NKAIN2: variants seen among roughly 807,000 people sequenced by gnomAD.
The protein encoded by NKAIN2 is sodium/potassium-transporting ATPase subunit beta-1-interacting protein 2.
NKAIN2 carries 14 observed loss-of-function variants against 32.6 expected under a neutral mutation model. The observed-to-expected ratio is 0.43, with a 90% CI of 0.28 to 0.67. The LOEUF is 0.67. Among genes scored for constraint, NKAIN2 ranks in the 30% least tolerant of loss-of-function variants. NKAIN2 has a pLI of 0.17. For synonymous variants in NKAIN2, 80 were observed against 87.2 expected (o/e 0.92, Z 0.46); for missense variants, 198 against 258.3 (o/e 0.77, Z 1.60).
chr6:124,355,251 T>C lies in NKAIN2; in HGVS notation c.193-16T>C. On this transcript the variant is annotated splice_polypyrimidine_tract_variant and intron_variant, in intron 2 of 6. Transcript: ENST00000368417. ...CCAAATTAATTATACGTTATTTCTC[T>C]CTTGCTTCTCTACAGTATGCTGTCT... The C allele has an allele frequency of 6.5e-7, 1 of 1,533,606 alleles. No individual in the cohort carries two copies. Among genetic ancestry groups the C allele is most frequent in the Non-Finnish European group, 9.0e-7 (1 of 1,109,286 alleles). The allele number at this position is 1,533,606 out of a possible 1,614,324, so 95.0% of individuals were successfully genotyped here. A position where few individuals can be genotyped will look rare whatever the true frequency, so the allele number is the denominator to read the frequency against.
At position 124,655,434 on chromosome 6, in the gene NKAIN2, A is replaced by G. The variant is rs78736427; in HGVS notation, c.274-2752A>G. On this transcript the variant is annotated intron_variant, in intron 3 of 6. Transcript: ENST00000368417. ...TTTTTTGGCAGTAGTTAGGATATAA[A>G]TAATTAGTAAATAAATGATCACTTC... is the stretch of plus-strand genomic sequence containing the variant. 2.2e-3 allele frequency among the ~76,000 whole-genome samples: 341 copies of G among 152,270 alleles called. 1 individual carries two copies. Among genetic ancestry groups the G allele is most frequent in the African/African-American group, 7.9e-3 (328 of 41,562 alleles).
chr6:124,402,436 A>T (rs968976900), intron 3 of NKAIN2, among the ~76,000 whole-genome samples: 10 of 152,214 alleles, frequency 6.6e-5, no homozygotes, highest in African/African-American at 2.4e-4. Flanking sequence ...CTATATACAA[A>T]GTTCTCTGGG....
At chr6:123,891,308 T>TAA (rs1774005810) in intron 1 of NKAIN2, among the ~76,000 whole-genome samples, 3 of 152,188 alleles carry the variant, frequency 2.0e-5, no homozygotes, top group Non-Finnish European at 4.4e-5. Flanking sequence ...GCTATTAAAG[T>TAA]GTAAACATAA....
At chr6:124,719,063 G>A (rs1048929316) in intron 4 of NKAIN2, among the ~76,000 whole-genome samples, 6 of 152,044 alleles carry the variant, frequency 3.9e-5, no homozygotes, top group African/African-American at 7.2e-5. Flanking sequence ...TTTTCTGTCT[G>A]CTAATTTATT....
At chr6:124,600,843 T>C (rs1782277473) in intron 3 of NKAIN2, among the ~76,000 whole-genome samples, 1 of 152,036 alleles carries the variant, frequency 6.6e-6, no homozygotes, top group Admixed American at 6.6e-5. Context: ...AAACTTTTAA[T>C]GCATAACAGC....
At chr6:124,453,598 G>A (rs1776204568) in intron 3 of NKAIN2, among the ~76,000 whole-genome samples, 1 of 152,020 alleles carries the variant, frequency 6.6e-6, no homozygotes, top group Non-Finnish European at 1.5e-5. Context: ...ACTATTAAAA[G>A]AGAGAAAAAC....
chr6:123,875,026 T>C (rs1246982620), intron 1 of NKAIN2, among the ~76,000 whole-genome samples: 1 of 152,068 alleles, frequency 6.6e-6, no homozygotes, highest in Non-Finnish European at 1.5e-5. Flanking sequence ...ATACGACTTT[T>C]CCATATTATT....
rs141802823 is a variant in NKAIN2, at chr6:124,180,363, G to A, written c.55-102642G>A. ...CAGCAGACAAGAGAGTGTGTGTAGG[G>A]GAACTCCCCTTCATAAAACAATCAG... On this transcript the variant is annotated intron_variant, in intron 1 of 6. Transcript: ENST00000368417. Among the ~76,000 whole-genome samples, 506 of 152,120 alleles carry A rather than the reference G, an allele frequency of 3.3e-3. 5 individuals carry two copies. The highest frequency in any genetic ancestry group is 0.012 in the African/African-American group (493 of 41,476).
intron 3 of NKAIN2, among the ~76,000 whole-genome samples, chr6:124,364,250 A>AAAAAAGAGAG (rs3054409): frequency 0.033 from 4,575 of 139,634 alleles, 128 homozygotes; most frequent in Admixed American, 0.058. Context: ...AAAAAAAAAA[A>AAAAAAGAGAG]AGAGAGAAAA....
chr6:124,476,713 G>A (rs1422969298), intron 3 of NKAIN2, among the ~76,000 whole-genome samples: 1 of 152,034 alleles, frequency 6.6e-6, no homozygotes, highest in Non-Finnish European at 1.5e-5. Flanking sequence ...TTTACATCTA[G>A]TTTCCTATAT....
At chr6:124,682,286 A>G (rs1458549799) in intron 4 of NKAIN2, among the ~76,000 whole-genome samples, 2 of 152,160 alleles carry the variant, frequency 1.3e-5, no homozygotes, top group African/African-American at 4.8e-5. Flanking sequence ...ACTAGTTCCC[A>G]TTATAGGAAG....
chr6:124,779,796 ACAGT>A (rs916007309), intron 4 of NKAIN2, among the ~76,000 whole-genome samples: 3 of 152,112 alleles, frequency 2.0e-5, no homozygotes, highest in Admixed American at 2.0e-4. Flanking sequence ...CAGATGATTC[ACAGT>A]CAACCATAGA....
At chr6:124,084,399 T>G (rs1244114033) in intron 1 of NKAIN2, among the ~76,000 whole-genome samples, 1 of 151,830 alleles carries the variant, frequency 6.6e-6, no homozygotes, top group East Asian at 1.9e-4. Context: ...TTAGGAGCAA[T>G]AGGCTACAGA....
At chr6:124,608,278 T>C (rs1782568889) in intron 3 of NKAIN2, among the ~76,000 whole-genome samples, 1 of 152,160 alleles carries the variant, frequency 6.6e-6, no homozygotes, top group Non-Finnish European at 1.5e-5. Flanking sequence ...TTTTTACTCA[T>C]GGTGACTCCC....
At chr6:124,378,943 A>G (rs74817152) in intron 3 of NKAIN2, among the ~76,000 whole-genome samples, 3 of 140,414 alleles carry the variant, frequency 2.1e-5, no homozygotes, top group African/African-American at 5.1e-5. Context: ...TTTTTTTTTA[A>G]TAGCTGGGCA....
chr6:124,273,321 A>G (rs985483503), intron 1 of NKAIN2, among the ~76,000 whole-genome samples: 1 of 152,010 alleles, frequency 6.6e-6, no homozygotes, highest in African/African-American at 2.4e-5. Flanking sequence ...TTCTCACAAG[A>G]CCTGATGGTT....
intron 1 of NKAIN2, among the ~76,000 whole-genome samples, chr6:124,052,401 T>A (rs73770341): frequency 0.017 from 2,546 of 152,142 alleles, 57 homozygotes; most frequent in African/African-American, 0.059. Context: ...ATGTTTTATG[T>A]TTATTATCCA....
chr6:124,581,464 A>G (rs603057), intron 3 of NKAIN2, among the ~76,000 whole-genome samples: 27,518 of 147,722 alleles, frequency 0.19, 2,884 homozygotes, highest in African/African-American at 0.24. Flanking sequence ...AAAAAAAAAA[A>G]AAAAAAGAAA....
intron 3 of NKAIN2, among the ~76,000 whole-genome samples, chr6:124,380,395 G>A (rs538345767): frequency 2.6e-5 from 4 of 152,270 alleles, no homozygotes; most frequent in Admixed American, 6.5e-5. Context: ...ATGTAGATGT[G>A]CCCATATAAA....
Sources: gnomAD v4.1 joint callset for allele counts (sites outside exome capture counted in the v4.1 genomes callset) on GRCh38, gnomAD v4.1.1 for gene constraint, MANE v1.5 for transcripts, NCBI Gene and HGNC (gene_info 2026-07-23, HGNC 2026-07-21) for gene names.